CADM2: variants seen among roughly 807,000 people sequenced by gnomAD.
The protein encoded by CADM2 is immunoglobulin superfamily member 4D.
CADM2 carries 12 observed loss-of-function variants against 49.8 expected under a neutral mutation model. That is an observed-to-expected ratio of 0.24 (90% CI 0.15 to 0.39). CADM2 has a LOEUF of 0.39. Ranked by LOEUF, CADM2 falls within the 10% of genes least tolerant of loss-of-function variation. The pLI, the probability that CADM2 is intolerant of heterozygous loss-of-function variation, is 1.00. For missense variants in CADM2, 378 were observed against 492.3 expected, an observed-to-expected ratio of 0.77 and a Z score of 2.20; for synonymous variants, 214 against 175.4, an observed-to-expected ratio of 1.22 and a Z score of -1.74.
chr3:85,571,748 C>A (rs1417463923), intron 1 of CADM2, among the ~76,000 whole-genome samples: 1 of 152,022 alleles, frequency 6.6e-6, no homozygotes, highest in Non-Finnish European at 1.5e-5. Flanking sequence ...TAGATTATAG[C>A]ACCTGTTAAG....
At chr3:85,607,561 C>A (rs1361216562) in intron 1 of CADM2, among the ~76,000 whole-genome samples, 2 of 152,112 alleles carry the variant, frequency 1.3e-5, no homozygotes, top group African/African-American at 4.8e-5. Context: ...GTGATGGATT[C>A]TCCAATCACC....
chr3:85,497,828 C>T (rs1484897879), intron 1 of CADM2, among the ~76,000 whole-genome samples: 1 of 151,970 alleles, frequency 6.6e-6, no homozygotes, highest in Non-Finnish European at 1.5e-5. Context: ...ATCTGTCTAT[C>T]TATTTATCTA....
chr3:85,809,837 T>C (rs1302377344), intron 3 of CADM2, among the ~76,000 whole-genome samples: 1 of 150,246 alleles, frequency 6.7e-6, no homozygotes. Context: ...TTTCTGGTTC[T>C]GTATTTCAAA....
At chr3:85,673,642 G>T (rs2065811537) in intron 1 of CADM2, among the ~76,000 whole-genome samples, 1 of 152,052 alleles carries the variant, frequency 6.6e-6, no homozygotes, top group African/African-American at 2.4e-5. Flanking sequence ...ATGTTAACAG[G>T]AAGGAAGCAA....
At chr3:85,222,391 A>T (rs946026073) in intron 1 of CADM2, among the ~76,000 whole-genome samples, 19 of 152,130 alleles carry the variant, frequency 1.2e-4, no homozygotes, top group African/African-American at 4.1e-4. Context: ...GGCTTAAAAA[A>T]ATACCAGGTG....
At chr3:85,452,280 G>C (rs900988316) in intron 1 of CADM2, among the ~76,000 whole-genome samples, 1 of 151,972 alleles carries the variant, frequency 6.6e-6, no homozygotes, top group African/African-American at 2.4e-5. Context: ...GGTAGAATGA[G>C]GATTGGTACC....
intron 2 of CADM2, among the ~76,000 whole-genome samples, chr3:85,737,720 G>T (rs1265176984): frequency 2.6e-5 from 4 of 151,832 alleles, no homozygotes; most frequent in African/African-American, 9.7e-5. Context: ...ACCATGCCTG[G>T]CTAAGTTTTT....
At chr3:86,026,219 T>C (rs756090798) in intron 8 of CADM2, among the ~76,000 whole-genome samples, 3 of 152,144 alleles carry the variant, frequency 2.0e-5, no homozygotes, top group Non-Finnish European at 2.9e-5. Flanking sequence ...TTCAGGTATT[T>C]TGTTACATTT....
chr3:85,099,758 C>T lies in CADM2; in HGVS notation c.61+140090C>T, dbSNP rs973456727. Among the ~76,000 whole-genome samples, 5 of 152,178 alleles carry T rather than the reference C, an allele frequency of 3.3e-5. No individual in the cohort carries two copies. The South Asian group carries it at 1.0e-3, about 31-fold the overall frequency. On this transcript the variant is annotated intron_variant, in intron 1 of 9. Coordinates refer to ENST00000383699, the MANE Select transcript of CADM2 (RefSeq NM_001167675.2). ...GTGCTGGGATTACAGGCATGAGCCA[C>T]CGCGCCTGGCCTCTTGTAATTTGTT...
chr3:85,447,879 A>G (rs562390049), intron 1 of CADM2, among the ~76,000 whole-genome samples: 2 of 152,334 alleles, frequency 1.3e-5, no homozygotes, highest in South Asian at 2.1e-4. Flanking sequence ...TGTTTTTGAC[A>G]GTGCAATAAT....
intron 8 of CADM2, among the ~76,000 whole-genome samples, chr3:86,029,769 C>G (rs1407640930): frequency 6.6e-6 from 1 of 151,962 alleles, no homozygotes; most frequent in African/African-American, 2.4e-5. Context: ...GAGGGAAATG[C>G]CCAGCCTTCT....
chr3:86,054,932 T>C (rs998526330), intron 8 of CADM2, among the ~76,000 whole-genome samples: 6 of 152,172 alleles, frequency 3.9e-5, no homozygotes, highest in Non-Finnish European at 4.4e-5. Context: ...TTATTTTATG[T>C]GTGTGGACAG....
intron 1 of CADM2, among the ~76,000 whole-genome samples, chr3:85,153,760 TC>T (rs1327457273): frequency 3.3e-5 from 5 of 152,078 alleles, no homozygotes; most frequent in Non-Finnish European, 7.4e-5. Flanking sequence ...GCAGACTGCC[TC>T]CTCAAGTGGG....
intron 6 of CADM2, among the ~76,000 whole-genome samples, chr3:85,920,267 A>G (rs1415220073): frequency 6.6e-6 from 1 of 151,876 alleles, no homozygotes; most frequent in African/African-American, 2.4e-5. Context: ...GTCTACCACA[A>G]ATTATATATA....
Position 85,961,460 on chromosome 3 carries a change from A to G in CADM2, c.792-9A>G. On this transcript the variant is annotated splice_polypyrimidine_tract_variant and intron_variant, in intron 7 of 9. Coordinates refer to ENST00000383699, the MANE Select transcript of CADM2 (RefSeq NM_001167675.2). ...TTTTGCTATCTACATGCATGTTTCA[A>G]TCCAATAGGCCAGAACCTGTTTTGT... is the stretch of plus-strand genomic sequence containing the variant. 1 of 1,565,028 alleles carries G rather than the reference A, an allele frequency of 6.4e-7. No individual in the cohort carries two copies. The highest frequency in any genetic ancestry group is 8.7e-7 in the Non-Finnish European group (1 of 1,147,112).
chr3:85,106,421 A>C (rs1264949136), intron 1 of CADM2, among the ~76,000 whole-genome samples: 2 of 152,122 alleles, frequency 1.3e-5, no homozygotes, highest in African/African-American at 2.4e-5. Context: ...ACCTGGTTTG[A>C]AGTGTTAGTG....
intron 1 of CADM2, among the ~76,000 whole-genome samples, chr3:85,653,088 T>A (rs2107587930): frequency 6.6e-6 from 1 of 151,992 alleles, no homozygotes; most frequent in Admixed American, 6.6e-5. Context: ...TGGAAATCTT[T>A]AAAAATGCAG....
chr3:85,468,013 G>C (rs956985752), intron 1 of CADM2, among the ~76,000 whole-genome samples: 28 of 151,812 alleles, frequency 1.8e-4, no homozygotes, highest in Non-Finnish European at 5.9e-5. Context: ...AATTAGCCGG[G>C]CGCAGTGGCG....
chr3:85,041,813 C>G (rs1237381528), intron 1 of CADM2, among the ~76,000 whole-genome samples: 1 of 152,106 alleles, frequency 6.6e-6, no homozygotes, highest in Non-Finnish European at 1.5e-5. Flanking sequence ...CCGTGGCAGA[C>G]AGGCAGTGGC....
Sources: gnomAD v4.1 joint callset for allele counts (sites outside exome capture counted in the v4.1 genomes callset) on GRCh38, gnomAD v4.1.1 for gene constraint, MANE v1.5 for transcripts, NCBI Gene and HGNC (gene_info 2026-07-23, HGNC 2026-07-21) for gene names.